Variants in SORT1 observed in about 807,000 individuals in gnomAD.
SORT1 encodes the protein sortilin.
Under a neutral mutation model 101.7 loss-of-function variants are expected in SORT1, and 39 were observed. The observed-to-expected ratio is 0.38, with a 90% CI of 0.30 to 0.50. The LOEUF (loss-of-function observed/expected upper bound fraction) is 0.50, where lower values mean the gene tolerates loss of function less well. Among genes scored for constraint, SORT1 ranks in the 20% least tolerant of loss-of-function variants. The pLI, the probability that SORT1 is intolerant of heterozygous loss-of-function variation, is 0.90. For missense variants in SORT1, 878 were observed against 1,040.4 expected (o/e 0.84, Z 2.15); for synonymous variants, 396 against 393.7 (o/e 1.01, Z -0.07).
intron 11 of SORT1, among the ~76,000 whole-genome samples, chr1:109,330,166 A>ATT (rs929648812): frequency 6.7e-6 from 1 of 149,048 alleles, no homozygotes; most frequent in Non-Finnish European, 1.5e-5. Context: ...ACGCCCAGCT[A>ATT]TTTTTTTTTT....
chr1:109,357,002 A>G (rs537560151), intron 3 of SORT1, among the ~76,000 whole-genome samples: 2 of 152,368 alleles, frequency 1.3e-5, no homozygotes, highest in Admixed American at 6.5e-5. Flanking sequence ...GAATATAGTT[A>G]TGTGTTGCAT....
At chr1:109,392,686 T>C (rs1374498584) in intron 1 of SORT1, 1 of 984,466 alleles carries the variant, frequency 1.0e-6, no homozygotes. Flanking sequence ...GACTAACCTT[T>C]CCCCAGATAA....
intron 5 of SORT1, 38 bp from the exon 6 acceptor site, chr1:109,351,040 T>C: frequency 1.5e-6 from 2 of 1,356,746 alleles, no homozygotes; most frequent in South Asian, 1.2e-5. Flanking sequence ...ATTCTAGCTT[T>C]ATCCTGTGTA....
chr1:109,356,589 T>C (rs1026993997), intron 3 of SORT1, among the ~76,000 whole-genome samples: 1 of 152,220 alleles, frequency 6.6e-6, no homozygotes, highest in Admixed American at 6.5e-5. Flanking sequence ...ACAGTAGTTA[T>C]GAAAAAGCTG....
intron 1 of SORT1, among the ~76,000 whole-genome samples, chr1:109,379,304 A>T (rs1652076104): frequency 7.0e-6 from 1 of 142,698 alleles, no homozygotes; most frequent in Non-Finnish European, 1.5e-5. Context: ...TAATTAGCTA[A>T]AAAAAAAAAA....
Position 109,336,304 on chromosome 1 carries a change from C to T in SORT1, c.1307G>A (p.Arg436Lys), listed in dbSNP as rs781724948. ...TTCAGGCTTCCTCAGGTGCGTCCAC[C>T]TTCCTCCTTGGTCAAAAGTGATCAT... ...QTMITFDQGG[R>K]WTHLRKPENS... The change falls in exon 11 of 20, where the codon AGG (arginine) becomes AAG (lysine). Residue 436 changes from arginine to lysine, a missense_variant. Around this residue, in one of 2 missense-constraint regions of SORT1, gnomAD observed 684 missense variants for 894.5 expected, o/e 0.76. Coordinates refer to ENST00000256637, the MANE Select transcript of SORT1 (RefSeq NM_002959.7). 1.2e-6 allele frequency: 2 copies of T among 1,613,530 alleles called. No individual in the cohort carries two copies. The highest frequency in any genetic ancestry group is 2.7e-5 in the African/African-American group (2 of 74,904).
At chr1:109,368,385 A>T (rs1159010094) in intron 2 of SORT1, 1 of 152,010 alleles carries the variant, frequency 6.6e-6, no homozygotes, top group East Asian at 1.9e-4. Flanking sequence ...CTCAAATTTT[A>T]GAAAAAACTG....
At chr1:109,352,484 C>T (rs779911034) in intron 5 of SORT1, among the ~76,000 whole-genome samples, 7 of 152,098 alleles carry the variant, frequency 4.6e-5, no homozygotes, top group Non-Finnish European at 7.4e-5. Context: ...AACATTACAC[C>T]GGCAATGTGA....
chr1:109,359,196 T>C (rs1177003857), intron 3 of SORT1, among the ~76,000 whole-genome samples: 4 of 152,110 alleles, frequency 2.6e-5, no homozygotes, highest in Admixed American at 6.5e-5. Context: ...ATTACCCTCT[T>C]GTCACTGTAA....
intron 18 of SORT1, 74 bp from the exon 19 acceptor site, chr1:109,314,458 T>C: frequency 6.4e-7 from 1 of 1,550,412 alleles, no homozygotes; most frequent in Non-Finnish European, 8.8e-7. Context: ...GTGGACTTTC[T>C]CAGTTTTATA....
intron 1 of SORT1, among the ~76,000 whole-genome samples, chr1:109,378,697 ATGATATATATATATATATATATATATAT>A (rs1364774522): frequency 1.1e-5 from 1 of 91,100 alleles, no homozygotes; most frequent in African/African-American, 4.3e-5. Context: ...GGTAGAGTGA[ATGATATATATATATATATATATATATAT>A]ATATATATAT....
intron 11 of SORT1, among the ~76,000 whole-genome samples, chr1:109,335,818 G>A (rs997856535): frequency 5.3e-5 from 8 of 152,172 alleles, no homozygotes; most frequent in Non-Finnish European, 1.2e-4. Context: ...GGGAGCCTAG[G>A]CAGAGGGAAA....
intron 1 of SORT1, among the ~76,000 whole-genome samples, chr1:109,385,110 T>C (rs972099166): frequency 1.3e-5 from 2 of 151,842 alleles, no homozygotes; most frequent in African/African-American, 4.8e-5. Flanking sequence ...AGAAAAGAAA[T>C]AGGACCAAAC....
chr1:109,350,791 C>T (rs1649908931), intron 6 of SORT1, 138 bp downstream of exon 6: 1 of 672,088 alleles, frequency 1.5e-6, no homozygotes. Context: ...CTGTGTCACA[C>T]CCCTCTCCAA....
chr1:109,322,819 T>G, intron 15 of SORT1, 113 bp downstream of exon 15: 4 of 822,398 alleles, frequency 4.9e-6, no homozygotes, highest in Non-Finnish European at 7.7e-6. Context: ...GGATTACAGG[T>G]GTGAGCCACC....
chr1:109,338,553 G>A (rs1471088049), intron 10 of SORT1, among the ~76,000 whole-genome samples: 1 of 152,188 alleles, frequency 6.6e-6, no homozygotes, highest in Non-Finnish European at 1.5e-5. Flanking sequence ...TAGAACACAA[G>A]AAGAACCCTG....
At chr1:109,380,694 A>G (rs1047784986) in intron 1 of SORT1, among the ~76,000 whole-genome samples, 2 of 151,604 alleles carry the variant, frequency 1.3e-5, no homozygotes, top group African/African-American at 2.4e-5. Context: ...AACAAAAAGA[A>G]CAGGCCGGTG....
chr1:109,351,835 C>G (rs1326623625), intron 5 of SORT1, among the ~76,000 whole-genome samples: 1 of 152,210 alleles, frequency 6.6e-6, no homozygotes, highest in Non-Finnish European at 1.5e-5. Flanking sequence ...CAGGGAATGA[C>G]TGCCACATTA....
chr1:109,392,622 A>T (rs993690581), intron 1 of SORT1: 71 of 985,198 alleles, frequency 7.2e-5, no homozygotes, highest in Non-Finnish European at 8.1e-5. Context: ...CCTTGGAGCC[A>T]TCTGTCATAC....
Sources: allele counts gnomAD v4.1 joint callset (sites outside exome capture counted in the v4.1 genomes callset), GRCh38; gene constraint gnomAD v4.1.1; regional missense constraint gnomAD v4.1.1; transcripts MANE v1.5; gene names NCBI Gene and HGNC (gene_info 2026-07-23, HGNC 2026-07-21).